Variants in DGKB observed in about 807,000 individuals in gnomAD.
DGKB encodes diacylglycerol kinase beta, also known as 90 kDa diacylglycerol kinase.
A neutral mutation model predicts 114.3 loss-of-function variants in DGKB; 67 were observed. The observed-to-expected ratio is 0.59, with a 90% CI of 0.48 to 0.72. The LOEUF (loss-of-function observed/expected upper bound fraction) is 0.72, where lower values mean the gene tolerates loss of function less well. DGKB is among the 30% of genes least tolerant of loss of function. DGKB has a pLI of 0.00. For synonymous variants in DGKB, 398 were observed against 323.1 expected (o/e 1.23, Z -2.49); for missense variants, 907 against 975.2 (o/e 0.93, Z 0.93).
chr7:14,582,798 A>G (rs925569660), intron 18 of DGKB, among the ~76,000 whole-genome samples: 4 of 152,198 alleles, frequency 2.6e-5, no homozygotes, highest in Non-Finnish European at 5.9e-5. Context: ...AGAGCCCCTG[A>G]AAACAACTCT....
At chr7:14,909,223 T>C (rs1413483066) in intron 1 of DGKB, among the ~76,000 whole-genome samples, 2 of 152,194 alleles carry the variant, frequency 1.3e-5, no homozygotes, top group African/African-American at 4.8e-5. Flanking sequence ...CTATGTCTGT[T>C]AAAGCCAATT....
intron 20 of DGKB, among the ~76,000 whole-genome samples, chr7:14,484,065 T>C (rs549023374): frequency 2.6e-4 from 39 of 152,026 alleles, no homozygotes; most frequent in African/African-American, 8.9e-4. Context: ...CATTATTCTA[T>C]AATATTTTAA....
At chr7:14,932,570 C>G (rs1030812669) in intron 1 of DGKB, among the ~76,000 whole-genome samples, 1 of 152,180 alleles carries the variant, frequency 6.6e-6, no homozygotes, top group Non-Finnish European at 1.5e-5. Context: ...CTTTATGCCA[C>G]CCCTATGGGC....
At chr7:14,444,558 T>G (rs950900724) in intron 21 of DGKB, among the ~76,000 whole-genome samples, 8 of 151,988 alleles carry the variant, frequency 5.3e-5, no homozygotes, top group Non-Finnish European at 1.0e-4. Context: ...TCTAGAATAT[T>G]TGGATAGTAA....
At chr7:14,799,691 A>G (rs950751706) in intron 2 of DGKB, among the ~76,000 whole-genome samples, 3 of 152,196 alleles carry the variant, frequency 2.0e-5, no homozygotes, top group Admixed American at 6.5e-5. Flanking sequence ...GTGTTACCTC[A>G]GCTCATTTAA....
chr7:14,339,059 A>T (rs1485548497), intron 22 of DGKB, among the ~76,000 whole-genome samples: 1 of 152,042 alleles, frequency 6.6e-6, no homozygotes, highest in African/African-American at 2.4e-5. Flanking sequence ...TCTGGAAACT[A>T]TGGTCAAATT....
chr7:14,598,640 G>C (rs1277450021), intron 17 of DGKB, among the ~76,000 whole-genome samples: 2 of 151,988 alleles, frequency 1.3e-5, no homozygotes, highest in Admixed American at 1.3e-4. Context: ...TTTTTGTTTT[G>C]AAATTCAGAT....
At chr7:14,735,784 T>C (rs1020811862) in intron 5 of DGKB, among the ~76,000 whole-genome samples, 2 of 152,212 alleles carry the variant, frequency 1.3e-5, no homozygotes, top group Non-Finnish European at 2.9e-5. Flanking sequence ...CCAAATTTGA[T>C]GGAAATATGT....
Position 14,745,192 on chromosome 7 carries a change from C to G in DGKB, c.168+8736G>C, listed in dbSNP as rs1365231674. Among the ~76,000 whole-genome samples the G allele has an allele frequency of 2.0e-5, 3 of 152,180 alleles. No homozygotes were observed. In the East Asian group the frequency reaches 5.8e-4, roughly 29 times the overall value. Reference sequence around the variant, plus strand: ...TTTGTTTGGTTTTAATATATGTCTTCTAATAACTCCGTTTGTCTCTTCTCA... The same window carrying G: ...TTTGTTTGGTTTTAATATATGTCTTGTAATAACTCCGTTTGTCTCTTCTCA... On this transcript the variant is annotated intron_variant, in intron 4 of 25. Transcript: ENST00000402815.
chr7:14,573,804 T>A (rs1798726397), intron 20 of DGKB, among the ~76,000 whole-genome samples: 11 of 152,092 alleles, frequency 7.2e-5, no homozygotes, highest in Admixed American at 7.2e-4. Context: ...TAGTAAGTTA[T>A]AATGATTTTA....
At chr7:14,456,260 A>T (rs1832271803) in intron 21 of DGKB, among the ~76,000 whole-genome samples, 1 of 152,052 alleles carries the variant, frequency 6.6e-6, no homozygotes, top group African/African-American at 2.4e-5. Context: ...CCAAAATATA[A>T]AAAAGTCTGA....
intron 1 of DGKB, among the ~76,000 whole-genome samples, chr7:14,933,317 C>T (rs904601681): frequency 6.6e-6 from 1 of 152,184 alleles, no homozygotes; most frequent in Admixed American, 6.5e-5. Context: ...TGGACATGTC[C>T]TATTCCTTCT....
chr7:14,468,504 A>ATT, intron 21 of DGKB, among the ~76,000 whole-genome samples: 1 of 151,808 alleles, frequency 6.6e-6, no homozygotes, highest in East Asian at 1.9e-4. Flanking sequence ...CTTCCCTTTA[A>ATT]ACTAAATTGA....
chr7:14,505,453 C>T (rs538133999), intron 20 of DGKB, among the ~76,000 whole-genome samples: 15 of 141,746 alleles, frequency 1.1e-4, no homozygotes, highest in Admixed American at 4.9e-4. Context: ...GACTCCGTCT[C>T]GAAAAAAAAA....
At chr7:14,500,605 C>T (rs1161416621) in intron 20 of DGKB, among the ~76,000 whole-genome samples, 1 of 150,906 alleles carries the variant, frequency 6.6e-6, no homozygotes, top group African/African-American at 2.4e-5. Context: ...TATTATTAAC[C>T]ATAAAAAATA....
rs372845527 is a variant in DGKB at position 14,621,390 on chromosome 7, T to C, written c.1272A>G (p.Gly424=). 6.2e-7 allele frequency: 1 copy of C among 1,606,552 alleles called. No homozygotes were observed. Among genetic ancestry groups the C allele is most frequent in the Non-Finnish European group, 8.5e-7 (1 of 1,174,432 alleles). Residue 424 remains glycine (G), a synonymous_variant, in exon 15 of 26, where the codon GGA becomes GGG. Transcript: ENST00000402815. The part of the protein sequence containing the change: ...MQRANSVTVD[G]QGLQVTPVPG... Reference sequence around the variant, plus strand: ...TAAAAAATCATACCTGCAGGCCTTGTCCATCTACAGTAACAGAGTTGGCTC... The same window carrying C: ...TAAAAAATCATACCTGCAGGCCTTGCCCATCTACAGTAACAGAGTTGGCTC...
chr7:14,955,701 G>A (rs904254530), intron 1 of DGKB, among the ~76,000 whole-genome samples: 12 of 152,020 alleles, frequency 7.9e-5, no homozygotes, highest in African/African-American at 2.4e-4. Flanking sequence ...AAACAGGAAA[G>A]CAATGATAAA....
At chr7:14,971,158 TCTG>T (rs1203966765) in intron 1 of DGKB, among the ~76,000 whole-genome samples, 1 of 152,166 alleles carries the variant, frequency 6.6e-6, no homozygotes, top group African/African-American at 2.4e-5. Flanking sequence ...GTGGGATTAT[TCTG>T]CTGCTGCTTT....
At chr7:14,815,439 T>G (rs996536929) in intron 2 of DGKB, among the ~76,000 whole-genome samples, 4 of 152,214 alleles carry the variant, frequency 2.6e-5, no homozygotes, top group African/African-American at 9.6e-5. Context: ...ATTTAACCTA[T>G]GGGGAACTCA....
Sources: gnomAD v4.1 joint callset for allele counts (sites outside exome capture counted in the v4.1 genomes callset) on GRCh38, gnomAD v4.1.1 for gene constraint, MANE v1.5 for transcripts, NCBI Gene and HGNC (gene_info 2026-07-23, HGNC 2026-07-21) for gene names.